Variants in NBEA observed in about 807,000 individuals in gnomAD.
NBEA encodes the protein neurobeachin.
NBEA carries 44 observed loss-of-function variants against 343.4 expected under a neutral mutation model. That is an observed-to-expected ratio of 0.13 (90% CI 0.10 to 0.16). The LOEUF is 0.16. Among genes scored for constraint, NBEA ranks in the 10% least tolerant of loss-of-function variants. NBEA has a pLI of 1.00. For missense variants in NBEA, 2,555 were observed against 3,631.3 expected, an observed-to-expected ratio of 0.70 and a Z score of 7.62; for synonymous variants, 1,175 against 1,238.7, an observed-to-expected ratio of 0.95 and a Z score of 1.08.
intron 33 of NBEA, among the ~76,000 whole-genome samples, chr13:35,220,894 C>A (rs997390336): frequency 6.6e-6 from 1 of 152,102 alleles, no homozygotes; most frequent in Non-Finnish European, 1.5e-5. Flanking sequence ...TATCTATATC[C>A]TTTCCCCCTA....
chr13:35,664,845 C>A (rs1390236825), intron 55 of NBEA, among the ~76,000 whole-genome samples: 3 of 152,230 alleles, frequency 2.0e-5, no homozygotes, highest in African/African-American at 7.2e-5. Context: ...TCGTTACGTT[C>A]TAAGCATGTT....
intron 38 of NBEA, among the ~76,000 whole-genome samples, chr13:35,426,844 T>C (rs2152927456): frequency 6.6e-6 from 1 of 152,338 alleles, no homozygotes; most frequent in Non-Finnish European, 1.5e-5. Flanking sequence ...TTTGTTCGTT[T>C]CTTTTTATTC....
intron 38 of NBEA, among the ~76,000 whole-genome samples, chr13:35,357,163 A>G (rs1417417567): frequency 7.0e-6 from 1 of 143,768 alleles, no homozygotes. Context: ...TGTAGATAGC[A>G]TGTAAGCTAG....
intron 55 of NBEA, 126 bp from the exon 56 acceptor site, chr13:35,664,959 A>G (rs974257220): frequency 1.3e-5 from 9 of 667,476 alleles, no homozygotes; most frequent in Admixed American, 1.2e-4. Context: ...TAACTGGCTC[A>G]TGGTCACACA....
intron 38 of NBEA, among the ~76,000 whole-genome samples, chr13:35,380,587 C>CT: frequency 6.6e-6 from 1 of 152,198 alleles, no homozygotes; most frequent in Admixed American, 6.5e-5. Flanking sequence ...TGACTATGAA[C>CT]TTGAGACTGA....
intron 36 of NBEA, among the ~76,000 whole-genome samples, chr13:35,341,672 A>T (rs999484515): frequency 1.3e-5 from 2 of 152,016 alleles, no homozygotes; most frequent in African/African-American, 4.8e-5. Context: ...AAACCACAGT[A>T]AGATACCACT....
chr13:35,251,565 G>T, intron 34 of NBEA: 1 of 1,196,022 alleles, frequency 8.4e-7, no homozygotes, highest in South Asian at 1.7e-5. Flanking sequence ...TGACCTTCAG[G>T]AAGGCGTTCA....
chr13:35,091,777 G>C (rs1303892934), intron 10 of NBEA, among the ~76,000 whole-genome samples: 1 of 151,900 alleles, frequency 6.6e-6, no homozygotes, highest in African/African-American at 2.4e-5. Flanking sequence ...ACAAATTTCT[G>C]ATGATAGCAA....
chr13:35,306,595 C>A (rs529839498), intron 35 of NBEA, among the ~76,000 whole-genome samples: 26 of 152,126 alleles, frequency 1.7e-4, no homozygotes, highest in African/African-American at 6.3e-4. Flanking sequence ...CCAACCCCCA[C>A]CTCCATTATC....
At chr13:34,995,949 G>A (rs1469447421) in intron 1 of NBEA, among the ~76,000 whole-genome samples, 1 of 152,178 alleles carries the variant, frequency 6.6e-6, no homozygotes, top group Admixed American at 6.5e-5. Context: ...ATATTCTGCT[G>A]GGCTTGACCA....
chr13:35,202,520 C>T (rs34714864), intron 31 of NBEA, among the ~76,000 whole-genome samples: 19,831 of 152,070 alleles, frequency 0.13, 1,510 homozygotes, highest in African/African-American at 0.2. Flanking sequence ...CCGTTTGTAC[C>T]TAGGATAAAC....
intron 49 of NBEA, among the ~76,000 whole-genome samples, chr13:35,633,628 G>C (rs1246343100): frequency 6.6e-6 from 1 of 151,908 alleles, no homozygotes; most frequent in Non-Finnish European, 1.5e-5. Flanking sequence ...TCAGTCACTT[G>C]AATTTTATGT....
chr13:35,471,312 C>T lies in NBEA; in HGVS notation c.6449-1088C>T, dbSNP rs570866025. Among the ~76,000 whole-genome samples, 10 of 152,250 alleles carry T rather than the reference C, an allele frequency of 6.6e-5. No individual in the cohort carries two copies. The East Asian group carries it at 1.2e-3, about 18-fold the overall frequency. ...CGAGGGCGGTGTCGGCGCGAGGGCT[C>T]TCCGCCCGGAGGGCCGAGGCCTAGC... On this transcript the variant is annotated intron_variant, in intron 40 of 58. Transcript: ENST00000379939.
chr13:34,982,727 C>G (rs890278481), intron 1 of NBEA, among the ~76,000 whole-genome samples: 1 of 152,138 alleles, frequency 6.6e-6, no homozygotes, highest in Non-Finnish European at 1.5e-5. Context: ...ACCATGAACA[C>G]TTGTAAAGAA....
intron 41 of NBEA, among the ~76,000 whole-genome samples, chr13:35,477,935 A>G (rs2075950116): frequency 6.6e-6 from 1 of 152,158 alleles, no homozygotes; most frequent in Non-Finnish European, 1.5e-5. Context: ...AGTACAGGAA[A>G]CTAAAGAAAT....
chr13:35,248,111 A>G (rs2031470360), intron 34 of NBEA, among the ~76,000 whole-genome samples: 1 of 152,206 alleles, frequency 6.6e-6, no homozygotes, highest in Non-Finnish European at 1.5e-5. Context: ...AACTCATAAT[A>G]TAAGGTCAGC....
intron 45 of NBEA, 44 bp from the exon 46 acceptor site, chr13:35,583,854 C>A: frequency 7.1e-7 from 1 of 1,402,890 alleles, no homozygotes. Context: ...TCTAGGATAT[C>A]TAATATGACT....
Position 35,211,069 on chromosome 13 carries a change from G to A in NBEA, c.5538G>A (p.Gly1846=), listed in dbSNP as rs1350777297. Residue 1846 remains glycine (G), a synonymous_variant, in exon 33 of 59, where the codon GGG becomes GGA. Coordinates refer to ENST00000379939, the MANE Select transcript of NBEA (RefSeq NM_001385012.1). ...TGGGAACAGGTGCCGTGGATTCAGG[G>A]TCCTCCTCCTCTTCCTCCTCTTCTA... ...MINTTGAVDS[G]SSSSSSSSSF... The A allele has an allele frequency of 1.3e-6, 2 of 1,550,688 alleles. No individual in the cohort carries two copies. The highest frequency in any genetic ancestry group is 1.7e-6 in the Non-Finnish European group (2 of 1,146,456).
intron 45 of NBEA, among the ~76,000 whole-genome samples, chr13:35,578,748 G>T (rs913385423): frequency 6.6e-6 from 1 of 152,048 alleles, no homozygotes; most frequent in African/African-American, 2.4e-5. Context: ...TATGTGTGCA[G>T]GTTTGAGTAT....
Sources: gnomAD v4.1 joint callset for allele counts (sites outside exome capture counted in the v4.1 genomes callset) on GRCh38, gnomAD v4.1.1 for gene constraint, MANE v1.5 for transcripts, NCBI Gene and HGNC (gene_info 2026-07-23, HGNC 2026-07-21) for gene names.